Variants in SOCS4 observed in about 807,000 individuals in gnomAD.
SOCS4 encodes SH2 domain containing SOCS box protein.
Under a neutral mutation model 34.1 loss-of-function variants are expected in SOCS4, and 20 were observed. That is an observed-to-expected ratio of 0.59 (90% CI 0.41 to 0.85). The LOEUF (loss-of-function observed/expected upper bound fraction) is 0.85. Among genes scored for constraint, SOCS4 ranks in the 40% least tolerant of loss-of-function variants. The pLI, the probability that SOCS4 is intolerant of heterozygous loss-of-function variation, is 0.00. For missense variants in SOCS4, 479 were observed against 532.4 expected (o/e 0.90, Z 0.99); for synonymous variants, 180 against 186.4 (o/e 0.97, Z 0.28).
intron 2 of SOCS4, among the ~76,000 whole-genome samples, chr14:55,042,071 T>G (rs1327668032): frequency 1.3e-5 from 2 of 152,128 alleles, no homozygotes; most frequent in Non-Finnish European, 2.9e-5. Context: ...GTGCTAGTAT[T>G]ACCACCTCCC....
intron 2 of SOCS4, among the ~76,000 whole-genome samples, chr14:55,037,869 G>C (rs1479791607): frequency 6.6e-6 from 1 of 152,076 alleles, no homozygotes; most frequent in African/African-American, 2.4e-5. Flanking sequence ...GTCAATTTTA[G>C]TTTCTACTCT....
chr14:55,043,007 T>C lies in SOCS4; in HGVS notation c.-35T>C. ...CCTGCTGGAAAAAATGAAAAAGCAG[T>C]ATTTATAACATTAGAATCTGGATAA... On this transcript the variant is annotated 5_prime_UTR_variant, in exon 3 of 3. Coordinates refer to ENST00000555846, the MANE Select transcript of SOCS4 (RefSeq NM_199421.2). The C allele has an allele frequency of 6.5e-7, 1 of 1,548,876 alleles. No individual in the cohort carries two copies. Among genetic ancestry groups the C allele is most frequent in the Non-Finnish European group, 8.7e-7 (1 of 1,146,408 alleles).
chr14:55,041,783 CTTTTTTTTTTTTTTTT>C (rs35998700), intron 2 of SOCS4, among the ~76,000 whole-genome samples: 4 of 40,054 alleles, frequency 1.0e-4, no homozygotes, highest in African/African-American at 8.4e-5. Context: ...AACCCTTAAT[CTTTTTTTTTTTTTTTT>C]TTTTTTTTTT....
In SOCS4 at chr14:55,044,550, C is replaced by T; in HGVS notation, c.*186C>T. 2 of 320,594 alleles carry T rather than the reference C, an allele frequency of 6.2e-6. No individual in the cohort carries two copies. The highest frequency in any genetic ancestry group is 1.1e-5 in the Non-Finnish European group (2 of 175,190). The allele number at this position is 320,594 out of a possible 1,614,324, so 19.9% of individuals were successfully genotyped here. On this transcript the variant is annotated 3_prime_UTR_variant, in exon 3 of 3. Coordinates refer to ENST00000555846, the MANE Select transcript of SOCS4 (RefSeq NM_199421.2). ...AATTGTTTAAGGTTATACACTCGAG[C>T]TTAAATAGATATTTTTAACCAGGTG...
intron 2 of SOCS4, among the ~76,000 whole-genome samples, chr14:55,042,642 C>A (rs184489997): frequency 6.6e-6 from 1 of 152,258 alleles, no homozygotes; most frequent in African/African-American, 2.4e-5. Flanking sequence ...TACTTCAAGA[C>A]TAGAAACTAT....
At chr14:55,040,918 G>T in intron 2 of SOCS4, among the ~76,000 whole-genome samples, 1 of 150,046 alleles carries the variant, frequency 6.7e-6, no homozygotes. Context: ...TGGAACTGGG[G>T]TCTCACTCTG....
rs981298894 is a variant in SOCS4 at position 55,048,855 on chromosome 14, C to T, written c.*4491C>T. 2.4e-5 allele frequency: 4 copies of T among 166,918 alleles called. No individual in the cohort carries two copies. The highest frequency in any genetic ancestry group is 4.8e-5 in the African/African-American group (2 of 41,400). The allele number at this position is 166,918 out of a possible 1,614,324, so 10.3% of individuals were successfully genotyped here. On this transcript the variant is annotated 3_prime_UTR_variant, in exon 3 of 3. Coordinates refer to ENST00000555846, the MANE Select transcript of SOCS4 (RefSeq NM_199421.2). ...CTTCAGCAAGAGGTGACCCTGGGAG[C>T]GTACTTTAAAATAATTGCTGTACAG...
intron 2 of SOCS4, among the ~76,000 whole-genome samples, chr14:55,038,483 C>T (rs2042591757): frequency 1.3e-5 from 2 of 152,094 alleles, no homozygotes; most frequent in South Asian, 4.1e-4. Flanking sequence ...TTCTCTTTGG[C>T]CATTCTCTTT....
intron 2 of SOCS4, among the ~76,000 whole-genome samples, chr14:55,037,120 TA>T (rs879833997): frequency 1.5e-4 from 21 of 141,986 alleles, no homozygotes; most frequent in South Asian, 2.3e-4. Flanking sequence ...CCTTTCTCAA[TA>T]AAAAAAAAAA....
Position 55,043,421 on chromosome 14 carries a change from T to C in SOCS4, c.380T>C (p.Leu127Pro). 1 of 1,614,198 alleles carries C rather than the reference T, an allele frequency of 6.2e-7. No individual in the cohort carries two copies. The highest frequency in any genetic ancestry group is 8.5e-7 in the Non-Finnish European group (1 of 1,180,046). ...AAAAGGAAAATTCATATCAGTGAAC[T>C]CATGTTAGATAAGTGTCCTTTCCCA... ...PSKRKIHISE[L>P]MLDKCPFPPR... is the part of the protein sequence containing the mutation. The change falls in exon 3 of 3, where the codon CTC becomes CCC. Residue 127 changes from leucine to proline, a missense_variant. By Grantham distance (98) the Leu-to-Pro change is moderately conservative. Coordinates refer to ENST00000555846, the MANE Select transcript of SOCS4 (RefSeq NM_199421.2).
chr14:55,042,543 C>T (rs2042629821), intron 2 of SOCS4, among the ~76,000 whole-genome samples: 2 of 152,150 alleles, frequency 1.3e-5, no homozygotes, highest in African/African-American at 4.8e-5. Flanking sequence ...CAAATACCAG[C>T]TCATAGATTT....
rs374732162 is a variant in SOCS4, at chr14:55,044,380, A to G, written c.*16A>G. The stretch of plus-strand genomic sequence containing the variant: ...GCAATGCTAGTAACAGGATGGGAAC[A>G]TGGGAATGATAATATATATTTTTTC... On this transcript the variant is annotated 3_prime_UTR_variant, in exon 3 of 3. Coordinates refer to ENST00000555846, the MANE Select transcript of SOCS4 (RefSeq NM_199421.2). 2.6e-5 allele frequency: 39 copies of G among 1,472,764 alleles called. No homozygotes were observed. Among genetic ancestry groups the G allele is most frequent in the Non-Finnish European group, 3.4e-5 (38 of 1,108,196 alleles). 91.2% of individuals were successfully genotyped at this position (1,472,764 alleles called of 1,614,324 possible).
chr14:55,032,814 G>A (rs191416400), intron 2 of SOCS4, among the ~76,000 whole-genome samples: 2 of 151,282 alleles, frequency 1.3e-5, no homozygotes, highest in Admixed American at 1.3e-4. Context: ...CTTTTGAGAC[G>A]GAGTCTCACC....
rs2042649506 is a variant in SOCS4 at position 55,044,067 on chromosome 14, T to C, written c.1026T>C (p.Phe342=). ...GAATTGAACAGTGGAATCACAACTT[T>C]AGCTTTGATGCACATGACCCCTGTG... ...HARIEQWNHN[F]SFDAHDPCVF... is the part of the protein sequence containing the mutation. Residue 342 remains phenylalanine, a synonymous_variant, in exon 3 of 3, where the codon TTT becomes TTC. Transcript: ENST00000555846. The C allele has an allele frequency of 1.9e-6, 3 of 1,614,026 alleles. No individual in the cohort carries two copies. The highest frequency in any genetic ancestry group is 3.3e-5 in the Admixed American group (2 of 59,990).
chr14:55,039,935 A>G (rs1027463091), intron 2 of SOCS4, among the ~76,000 whole-genome samples: 2 of 152,208 alleles, frequency 1.3e-5, no homozygotes, highest in Admixed American at 1.3e-4. Flanking sequence ...TAGAGAGCTT[A>G]GCTCTCATAT....
chr14:55,041,007 C>T (rs2042613690), intron 2 of SOCS4, among the ~76,000 whole-genome samples: 1 of 151,768 alleles, frequency 6.6e-6, no homozygotes, highest in South Asian at 2.1e-4. Context: ...TCCTCCCAGG[C>T]TCCTGTGTAG....
intron 2 of SOCS4, among the ~76,000 whole-genome samples, chr14:55,038,261 A>C (rs2042589953): frequency 1.3e-5 from 2 of 152,224 alleles, no homozygotes; most frequent in African/African-American, 4.8e-5. Flanking sequence ...GGATTATTGC[A>C]ATTCAAAGTG....
In SOCS4 at chr14:55,047,033, T is replaced by G. The variant is rs1415651478; in HGVS notation, c.*2669T>G. The G allele has an allele frequency of 1.2e-5, 2 of 167,082 alleles. No homozygotes were observed. The highest frequency in any genetic ancestry group is 4.8e-5 in the African/African-American group (2 of 41,454). The allele number at this position is 167,082 out of a possible 1,614,324, so 10.3% of individuals were successfully genotyped here. ...GGAATGTATAAATTTGTCTAAAATT[T>G]TATAACTGTTGAACAAAGGGAAGAT... On this transcript the variant is annotated 3_prime_UTR_variant, in exon 3 of 3. Transcript: ENST00000555846.
intron 2 of SOCS4, among the ~76,000 whole-genome samples, chr14:55,032,941 C>T (rs979297463): frequency 2.0e-5 from 3 of 152,112 alleles, no homozygotes; most frequent in African/African-American, 7.2e-5. Flanking sequence ...TGCCACCACA[C>T]CCGGCTAATT....
Sources: allele counts gnomAD v4.1 joint callset (sites outside exome capture counted in the v4.1 genomes callset), GRCh38; gene constraint gnomAD v4.1.1; transcripts MANE v1.5; gene names NCBI Gene and HGNC (gene_info 2026-07-23, HGNC 2026-07-21).